WDPCP: variants seen among roughly 807,000 people sequenced by gnomAD.
WDPCP encodes WD repeat containing planar cell polarity effector.
WDPCP carries 71 observed loss-of-function variants against 93.1 expected under a neutral mutation model. That is an observed-to-expected ratio of 0.76 (90% confidence interval 0.63 to 0.93). The LOEUF (loss-of-function observed/expected upper bound fraction) is 0.93, where lower values mean the gene tolerates loss of function less well. Among genes scored for constraint, WDPCP ranks in the 40% least tolerant of loss-of-function variants. The probability of loss-of-function intolerance (pLI) is 0.00; values close to 1 mark genes in which losing one functional copy is unlikely to be tolerated. For missense variants in WDPCP, 844 were observed against 887.4 expected, an observed-to-expected ratio of 0.95 and a Z score of 0.62; for synonymous variants, 315 against 315.0, an observed-to-expected ratio of 1.00 and a Z score of 0.00.
chr2:63,311,550 T>G (rs900034478), intron 13 of WDPCP, among the ~76,000 whole-genome samples: 1 of 152,210 alleles, frequency 6.6e-6, no homozygotes, highest in Non-Finnish European at 1.5e-5. Flanking sequence ...AATGACTGTT[T>G]GCTTTTGCAA....
intron 2 of WDPCP, among the ~76,000 whole-genome samples, chr2:63,797,201 A>G (rs903802757): frequency 1.6e-4 from 25 of 152,180 alleles, no homozygotes; most frequent in African/African-American, 5.3e-4. Context: ...AGTACTTGCC[A>G]TGGGCCTTGG....
At chr2:63,379,521 A>G (rs114639357) in intron 11 of WDPCP, among the ~76,000 whole-genome samples, 157 of 152,258 alleles carry the variant, frequency 1.0e-3, no homozygotes, top group Non-Finnish European at 2.0e-3. Flanking sequence ...AATTTAGATT[A>G]CAATTGAATA....
At chr2:63,227,737 T>A (rs981729180) in intron 14 of WDPCP, among the ~76,000 whole-genome samples, 5 of 152,122 alleles carry the variant, frequency 3.3e-5, no homozygotes, top group Admixed American at 3.3e-4. Flanking sequence ...ATGATAGTAA[T>A]TACAGAGCTT....
chr2:63,278,455 A>T (rs1301716791), intron 13 of WDPCP, among the ~76,000 whole-genome samples: 1 of 152,216 alleles, frequency 6.6e-6, no homozygotes, highest in Non-Finnish European at 1.5e-5. Context: ...CGCAAAAAAA[A>T]TACAAAAGAT....
chr2:63,331,755 A>G (rs1002836526), intron 12 of WDPCP, among the ~76,000 whole-genome samples: 8 of 152,106 alleles, frequency 5.3e-5, no homozygotes, highest in Non-Finnish European at 1.2e-4. Context: ...TTTTCCTAGC[A>G]TGTCATATGT....
chr2:63,759,061 G>A (rs1446465666), intron 2 of WDPCP, among the ~76,000 whole-genome samples: 3 of 151,804 alleles, frequency 2.0e-5, no homozygotes, highest in Non-Finnish European at 4.4e-5. Flanking sequence ...GATTACAGTC[G>A]TGAGGCACCA....
At chr2:63,676,790 CAT>C (rs767199870) in intron 2 of WDPCP, among the ~76,000 whole-genome samples, 6 of 48,772 alleles carry the variant, frequency 1.2e-4, no homozygotes, top group Admixed American at 2.3e-4. Flanking sequence ...TAGAACTACA[CAT>C]ACACACACAC....
intron 3 of WDPCP, chr2:63,622,504 C>T: frequency 3.1e-6 from 5 of 1,613,910 alleles, no homozygotes; most frequent in Non-Finnish European, 4.2e-6. Context: ...ACACATCGTT[C>T]CTCCACCACC....
chr2:63,512,749 G>C (rs1394325879), intron 1 of WDPCP, among the ~76,000 whole-genome samples: 1 of 152,218 alleles, frequency 6.6e-6, no homozygotes, highest in Admixed American at 6.5e-5. Flanking sequence ...TTGGGAGTTG[G>C]GGGGCAAGGG....
intron 2 of WDPCP, among the ~76,000 whole-genome samples, chr2:63,689,278 T>C (rs191584537): frequency 3.9e-4 from 59 of 152,312 alleles, no homozygotes; most frequent in Admixed American, 1.2e-3. Flanking sequence ...TATTCTTCTC[T>C]GTAAATTTTT....
intron 2 of WDPCP, among the ~76,000 whole-genome samples, chr2:63,695,336 GA>G (rs1211365169): frequency 6.6e-6 from 1 of 151,942 alleles, no homozygotes; most frequent in African/African-American, 2.4e-5. Flanking sequence ...TTGTTATATT[GA>G]TGAAGAGACT....
At position 63,623,831 on chromosome 2, in the gene WDPCP, G is replaced by A. The variant is rs139337058; in HGVS notation, n.488+26828C>T. Reference sequence around the variant, plus strand: ...GGACTTGAACTTAGCTCTGGACCAAGTGGACCTAATAGACATGTTCAGAAC... The same window carrying A: ...GGACTTGAACTTAGCTCTGGACCAAATGGACCTAATAGACATGTTCAGAAC... On this transcript the variant is annotated intron_variant and non_coding_transcript_variant, in intron 3 of 4. Coordinates refer to the WDPCP transcript ENST00000467687. 2.8e-3 allele frequency among the ~76,000 whole-genome samples: 430 copies of A among 152,280 alleles called. 3 individuals are homozygous for A. The highest frequency in any genetic ancestry group is 3.4e-3 in the Non-Finnish European group (230 of 68,020).
intron 2 of WDPCP, among the ~76,000 whole-genome samples, chr2:63,692,541 G>A (rs938846573): frequency 2.6e-5 from 4 of 152,130 alleles, no homozygotes; most frequent in African/African-American, 9.7e-5. Context: ...CTGCTTTTAA[G>A]TGTCATCTTC....
chr2:63,597,859 C>T, intron 3 of WDPCP: 1 of 204,868 alleles, frequency 4.9e-6, no homozygotes, highest in Non-Finnish European at 9.6e-6. Flanking sequence ...TCTTCTGGTG[C>T]ATTTTTGCTG....
At chr2:63,458,971 A>C (rs1417732545) in intron 6 of WDPCP, among the ~76,000 whole-genome samples, 1 of 152,168 alleles carries the variant, frequency 6.6e-6, no homozygotes, top group Non-Finnish European at 1.5e-5. Flanking sequence ...AAGAACATAC[A>C]CTGGGGAAAG....
At chr2:63,459,290 T>C (rs1477705792) in intron 6 of WDPCP, among the ~76,000 whole-genome samples, 1 of 152,066 alleles carries the variant, frequency 6.6e-6, no homozygotes, top group Non-Finnish European at 1.5e-5. Context: ...ACCTCTTGTA[T>C]AGGAGAAAAT....
rs1018922864 is a variant in WDPCP, at chr2:63,663,134, A to G, written n.309-12296T>C. Among the ~76,000 whole-genome samples, 3 of 152,190 alleles carry G rather than the reference A, an allele frequency of 2.0e-5. No homozygotes were observed. In the East Asian group the frequency reaches 5.8e-4, roughly 29 times the overall value. On this transcript the variant is annotated intron_variant and non_coding_transcript_variant, in intron 2 of 4. Coordinates refer to the WDPCP transcript ENST00000467687. The stretch of plus-strand genomic sequence containing the variant: ...TTTTTGGGCTTCTTTCATAAATATA[A>G]TTTCTGTAGATTAGAGATTCTGGAG...
chr2:63,509,325 GA>G (rs2106072857), intron 1 of WDPCP, among the ~76,000 whole-genome samples: 1 of 152,224 alleles, frequency 6.6e-6, no homozygotes, highest in African/African-American at 2.4e-5. Flanking sequence ...ACCTGCTCCT[GA>G]ATGTCTACTG....
At chr2:63,602,465 A>C (rs1443476069) in intron 3 of WDPCP, among the ~76,000 whole-genome samples, 1 of 151,778 alleles carries the variant, frequency 6.6e-6, no homozygotes, top group Non-Finnish European at 1.5e-5. Flanking sequence ...ACCTTACATA[A>C]CTACAGAGTA....
Sources: allele counts gnomAD v4.1 joint callset (sites outside exome capture counted in the v4.1 genomes callset), GRCh38; gene constraint gnomAD v4.1.1; transcripts MANE v1.5; gene names NCBI Gene and HGNC (gene_info 2026-07-23, HGNC 2026-07-21).